Variants in CAMTA1 observed in about 807,000 individuals in gnomAD.
The protein encoded by CAMTA1 is calmodulin-binding transcription activator 1.
Under a neutral mutation model 170.9 loss-of-function variants are expected in CAMTA1, and 27 were observed. The observed-to-expected ratio is 0.16, with a 90% CI of 0.12 to 0.22. The LOEUF (loss-of-function observed/expected upper bound fraction) is 0.22, where lower values mean the gene tolerates loss of function less well. CAMTA1 is among the 10% of genes least tolerant of loss of function. The pLI is 1.00. For synonymous variants in CAMTA1, 833 were observed against 891.5 expected (o/e 0.93, Z 1.17); for missense variants, 1,619 against 2,217.2 (o/e 0.73, Z 5.42).
At chr1:6,959,149 A>T (rs778578260) in intron 3 of CAMTA1, among the ~76,000 whole-genome samples, 10 of 152,238 alleles carry the variant, frequency 6.6e-5, no homozygotes, top group Admixed American at 1.3e-4. Flanking sequence ...AAACATGCTC[A>T]TCCTTGGTTC....
In CAMTA1 at chr1:7,736,677, G is replaced by C; in HGVS notation, c.3263+137G>C. 1.2e-6 allele frequency: 1 copy of C among 857,060 alleles called. No homozygotes were observed. The highest frequency in any genetic ancestry group is 1.8e-6 in the Non-Finnish European group (1 of 543,696). 53.1% of individuals were successfully genotyped at this position (857,060 alleles called of 1,614,324 possible). A position where few individuals can be genotyped will look rare whatever the true frequency, so the allele number is the denominator to read the frequency against. ...CGGCGAGCAAAGGGCTTTGTCCTTGGACAGTTTCCAAGGGAGTTTTATAAA... is the reference window on the plus strand; with the variant it reads ...CGGCGAGCAAAGGGCTTTGTCCTTGCACAGTTTCCAAGGGAGTTTTATAAA... On this transcript the variant is annotated intron_variant, in intron 13 of 22. Transcript: ENST00000303635. This position sits in a 1 kb window ranked among gnomAD's most constrained non-coding sequence, Gnocchi z 4.5.
intron 6 of CAMTA1, among the ~76,000 whole-genome samples, chr1:7,584,013 C>T (rs2095285674): frequency 6.6e-6 from 1 of 152,200 alleles, no homozygotes; most frequent in South Asian, 2.1e-4. Context: ...CCATGGCATT[C>T]TGCTCAGAGA....
chr1:7,268,629 G>A (rs563760097), intron 5 of CAMTA1, among the ~76,000 whole-genome samples: 63 of 152,140 alleles, frequency 4.1e-4, no homozygotes, highest in Admixed American at 1.3e-3. Context: ...CTAACAAAGC[G>A]TATAAACAAA....
chr1:7,055,925 T>C (rs1277222593), intron 3 of CAMTA1, among the ~76,000 whole-genome samples: 1 of 152,166 alleles, frequency 6.6e-6, no homozygotes, highest in Non-Finnish European at 1.5e-5. Context: ...CCCTGCCCCT[T>C]CCTCTGCACA....
rs116620308 is a variant in CAMTA1 at position 6,904,579 on chromosome 1, G to C, written c.234+79369G>C. ...TTTTTTTTTTTTAATTTTTGAGACA[G>C]AGTCTTCCTCTATCGCCCCAGGCTG... On this transcript the variant is annotated intron_variant, in intron 3 of 22. Transcript: ENST00000303635. Among the ~76,000 whole-genome samples, 959 of 144,200 alleles carry C rather than the reference G, an allele frequency of 6.7e-3. 10 individuals are homozygous for C. The highest frequency in any genetic ancestry group is 0.023 in the African/African-American group (886 of 38,836). The allele number at this position is 144,200 out of a possible 152,430, so 94.6% of individuals were successfully genotyped here. A position where few individuals can be genotyped will look rare whatever the true frequency, so the allele number is the denominator to read the frequency against.
At chr1:7,765,749 C>T (rs754395049) in intron 22 of CAMTA1, among the ~76,000 whole-genome samples, 6 of 152,196 alleles carry the variant, frequency 3.9e-5, no homozygotes, top group East Asian at 3.9e-4. Flanking sequence ...CTAAATAGGC[C>T]GGGCGCGGTG....
At chr1:7,727,962 A>G (rs996661139) in intron 11 of CAMTA1, among the ~76,000 whole-genome samples, 1 of 152,230 alleles carries the variant, frequency 6.6e-6, no homozygotes, top group Non-Finnish European at 1.5e-5. Context: ...AGTCATTTGC[A>G]TTTGAGATTG....
At chr1:7,409,972 C>T (rs1322108224) in intron 5 of CAMTA1, among the ~76,000 whole-genome samples, 5 of 152,046 alleles carry the variant, frequency 3.3e-5, no homozygotes, top group African/African-American at 7.2e-5. Flanking sequence ...AGGAAGGAGC[C>T]GGGTACCCTC....
intron 6 of CAMTA1, among the ~76,000 whole-genome samples, chr1:7,478,387 T>C (rs985827741): frequency 4.6e-5 from 7 of 151,958 alleles, no homozygotes; most frequent in African/African-American, 1.7e-4. Context: ...TGTGCCACCC[T>C]CCCCGAGCCT....
At chr1:7,622,057 A>G (rs1180604153) in intron 6 of CAMTA1, among the ~76,000 whole-genome samples, 1 of 152,202 alleles carries the variant, frequency 6.6e-6, no homozygotes, top group Non-Finnish European at 1.5e-5. Flanking sequence ...AAACCAAAAC[A>G]GTGACCTTGT....
At chr1:6,937,118 A>C (rs1176247739) in intron 3 of CAMTA1, among the ~76,000 whole-genome samples, 3 of 151,664 alleles carry the variant, frequency 2.0e-5, no homozygotes, top group Non-Finnish European at 4.4e-5. Flanking sequence ...CACCATCACC[A>C]TTCACCATTT....
intron 3 of CAMTA1, among the ~76,000 whole-genome samples, chr1:6,963,356 G>A (rs1022728406): frequency 9.3e-6 from 1 of 107,804 alleles, no homozygotes; most frequent in Admixed American, 1.1e-4. Flanking sequence ...CCTTGCCCGC[G>A]CCGCCCCTCT....
At chr1:7,137,391 T>A (rs1645606125) in intron 4 of CAMTA1, among the ~76,000 whole-genome samples, 1 of 152,240 alleles carries the variant, frequency 6.6e-6, no homozygotes. Context: ...AAGACCCTGC[T>A]GGGTCTGGCT....
intron 3 of CAMTA1, among the ~76,000 whole-genome samples, chr1:7,003,866 G>A (rs1698597640): frequency 1.3e-5 from 2 of 152,180 alleles, no homozygotes; most frequent in African/African-American, 4.8e-5. Flanking sequence ...TGTGAGAGGT[G>A]GGTCAAGGCC....
intron 6 of CAMTA1, among the ~76,000 whole-genome samples, chr1:7,572,518 A>G (rs2095137120): frequency 1.3e-5 from 2 of 152,232 alleles, no homozygotes; most frequent in Admixed American, 6.5e-5. Flanking sequence ...ATTTTTTTAT[A>G]TGATATAAGG....
At chr1:7,520,822 C>T (rs1030276286) in intron 6 of CAMTA1, among the ~76,000 whole-genome samples, 1 of 152,178 alleles carries the variant, frequency 6.6e-6, no homozygotes, top group Non-Finnish European at 1.5e-5. Flanking sequence ...AAGGCCCTGG[C>T]ACCTCATTCC....
At chr1:7,716,792 A>G (rs1285508475) in intron 11 of CAMTA1, among the ~76,000 whole-genome samples, 2 of 151,992 alleles carry the variant, frequency 1.3e-5, no homozygotes, top group Non-Finnish European at 2.9e-5. Context: ...AGGAAATGAA[A>G]TTAGGATGTC....
chr1:6,866,127 G>C (rs1557726054), intron 3 of CAMTA1, among the ~76,000 whole-genome samples: 1 of 152,188 alleles, frequency 6.6e-6, no homozygotes, highest in Non-Finnish European at 1.5e-5. Context: ...TTTGAAGTTA[G>C]ACCCATCTGG....
intron 3 of CAMTA1, among the ~76,000 whole-genome samples, chr1:7,072,056 G>T (rs1638717234): frequency 6.6e-6 from 1 of 152,166 alleles, no homozygotes; most frequent in African/African-American, 2.4e-5. Context: ...GCTTTGTGGG[G>T]CTTTGTGGGT....
Sources: allele counts gnomAD v4.1 joint callset (sites outside exome capture counted in the v4.1 genomes callset), GRCh38; gene constraint gnomAD v4.1.1; non-coding constraint Gnocchi (gnomAD v3.1); transcripts MANE v1.5; gene names NCBI Gene and HGNC (gene_info 2026-07-23, HGNC 2026-07-21).